The following LRRC8D variants were observed in gnomAD, a reference collection of about 807,000 sequenced individuals.
The protein encoded by LRRC8D is leucine rich repeat containing 8 VRAC subunit D.
A neutral mutation model predicts 55.8 loss-of-function variants in LRRC8D; 20 were observed. That is an observed-to-expected ratio of 0.36 (90% CI 0.25 to 0.52). The LOEUF (loss-of-function observed/expected upper bound fraction) is 0.52. Ranked by LOEUF, LRRC8D falls within the 20% of genes least tolerant of loss-of-function variation. The probability of loss-of-function intolerance (pLI) is 0.93; values close to 1 mark genes in which losing one functional copy is unlikely to be tolerated. For synonymous variants in LRRC8D, 352 were observed against 377.0 expected (o/e 0.93, Z 0.77); for missense variants, 651 against 1,030.8 (o/e 0.63, Z 5.05).
chr1:89,824,346 A>AG (rs1429749744), intron 1 of LRRC8D, among the ~76,000 whole-genome samples: 1 of 152,194 alleles, frequency 6.6e-6, no homozygotes, highest in East Asian at 1.9e-4. Context: ...ATCCTTATTG[A>AG]AAGAAAGGGG....
intron 2 of LRRC8D, among the ~76,000 whole-genome samples, chr1:89,851,573 A>C (rs1172179674): frequency 6.6e-6 from 1 of 151,536 alleles, no homozygotes; most frequent in Non-Finnish European, 1.5e-5. Flanking sequence ...GCAATGGCAC[A>C]ATCTCGGCTC....
chr1:89,866,666 T>A (rs984299556), intron 2 of LRRC8D, among the ~76,000 whole-genome samples: 6 of 152,130 alleles, frequency 3.9e-5, no homozygotes, highest in Non-Finnish European at 5.9e-5. Context: ...CCCTTCTTGG[T>A]GAGAGGAATG....
At chr1:89,834,114 G>A (rs1254297861) in intron 1 of LRRC8D, among the ~76,000 whole-genome samples, 1 of 152,168 alleles carries the variant, frequency 6.6e-6, no homozygotes, top group African/African-American at 2.4e-5. Context: ...AGGAAAGAAA[G>A]GGGAGTACAA....
chr1:89,916,443 A>G (rs1275112761), intron 2 of LRRC8D, among the ~76,000 whole-genome samples: 1 of 152,258 alleles, frequency 6.6e-6, no homozygotes, highest in Non-Finnish European at 1.5e-5. Flanking sequence ...AATCGAAAAT[A>G]AGGACTTGTT....
chr1:89,855,305 C>T (rs1054291794), intron 2 of LRRC8D, among the ~76,000 whole-genome samples: 1 of 152,128 alleles, frequency 6.6e-6, no homozygotes, highest in Non-Finnish European at 1.5e-5. Context: ...TGTACTTATT[C>T]TTCAAAGCCA....
chr1:89,925,840 A>T (rs1280613405), intron 2 of LRRC8D, among the ~76,000 whole-genome samples: 1 of 152,186 alleles, frequency 6.6e-6, no homozygotes, highest in East Asian at 1.9e-4. Context: ...TGTGGCTGAC[A>T]TTGCTGGAAA....
rs552188891 is a variant in LRRC8D, at chr1:89,882,311, C to A, written c.-3+38529C>A. 2.4e-3 allele frequency among the ~76,000 whole-genome samples: 368 copies of A among 152,356 alleles called. 1 individual carries two copies. The highest frequency in any genetic ancestry group is 8.3e-3 in the African/African-American group (346 of 41,592). On this transcript the variant is annotated intron_variant, in intron 2 of 2. Transcript: ENST00000337338. ...TCCCTGCTGTCATGGTAATTTATTTCTTGCTTCCTACCATTCATTTGTTTC... is the reference window on the plus strand; with the variant it reads ...TCCCTGCTGTCATGGTAATTTATTTATTGCTTCCTACCATTCATTTGTTTC...
At position 89,934,151 on chromosome 1, in the gene LRRC8D, G is replaced by A. The variant is rs1255823170; in HGVS notation, c.1083G>A (p.Met361Ile). 1.2e-6 allele frequency: 2 copies of A among 1,613,972 alleles called. No individual in the cohort carries two copies. Among genetic ancestry groups the A allele is most frequent in the Non-Finnish European group, 1.7e-6 (2 of 1,179,982 alleles). Residue 361 changes from methionine (M) to isoleucine (I), a missense_variant, in exon 3 of 3, where the codon ATG becomes ATA. Transcript: ENST00000337338. The surrounding 1 kb of genome is among the most constrained non-coding windows in gnomAD (Gnocchi z 5.9). ...VFECTHNMAY[M>I]LKKLLISYIS... is the part of the protein sequence containing the mutation. ...AGTGCACCCACAATATGGCTTACAT[G>A]TTGAAAAAGCTTCTCATCAGTTACA...
At chr1:89,830,757 G>A (rs776974445) in intron 1 of LRRC8D, among the ~76,000 whole-genome samples, 3 of 152,150 alleles carry the variant, frequency 2.0e-5, no homozygotes, top group Non-Finnish European at 4.4e-5. Flanking sequence ...TGATTTTAAA[G>A]GTTGGCTAAT....
chr1:89,840,438 T>C (rs1661106148), intron 1 of LRRC8D, among the ~76,000 whole-genome samples: 1 of 152,148 alleles, frequency 6.6e-6, no homozygotes, highest in African/African-American at 2.4e-5. Flanking sequence ...TTAATAAATA[T>C]TTTTGATAAG....
intron 1 of LRRC8D, among the ~76,000 whole-genome samples, chr1:89,824,235 A>ATCTCAGAAT (rs1201076326): frequency 6.6e-6 from 1 of 152,124 alleles, no homozygotes; most frequent in Non-Finnish European, 1.5e-5. Context: ...ATAGGTCTTG[A>ATCTCAGAAT]AGGGAGGTGG....
intron 2 of LRRC8D, among the ~76,000 whole-genome samples, chr1:89,869,320 T>G (rs1226999239): frequency 6.6e-6 from 1 of 152,092 alleles, no homozygotes; most frequent in Admixed American, 6.5e-5. Flanking sequence ...AAACACAGCA[T>G]GAGAACTTCG....
chr1:89,903,071 G>A lies in LRRC8D; in HGVS notation c.-2-29996G>A, dbSNP rs557992958. ...AGTGCTGTTGTTTCCCACTTATTGA[G>A]AAAGAGGGAAACAGAGATGTTAGGT... On this transcript the variant is annotated intron_variant, in intron 2 of 2. Coordinates refer to ENST00000337338, the MANE Select transcript of LRRC8D (RefSeq NM_001134479.2). Among the ~76,000 whole-genome samples the A allele has an allele frequency of 3.3e-5, 5 of 152,196 alleles. No individual in the cohort carries two copies. In the East Asian group the frequency reaches 7.7e-4, roughly 24 times the overall value.
intron 2 of LRRC8D, among the ~76,000 whole-genome samples, chr1:89,884,951 T>G (rs142392771): frequency 6.6e-6 from 1 of 152,196 alleles, no homozygotes; most frequent in African/African-American, 2.4e-5. Context: ...ATATCATGCT[T>G]GATGTTGCCT....
chr1:89,843,917 C>G, intron 2 of LRRC8D, 135 bp downstream of exon 2: 2 of 502,692 alleles, frequency 4.0e-6, no homozygotes, highest in South Asian at 4.9e-5. Context: ...GCTTCTCACC[C>G]GGGGTCTCTG....
At chr1:89,826,741 A>G (rs775439030) in intron 1 of LRRC8D, among the ~76,000 whole-genome samples, 3 of 152,160 alleles carry the variant, frequency 2.0e-5, no homozygotes, top group South Asian at 2.1e-4. Flanking sequence ...TCTTATTTAC[A>G]TAATTGATCT....
At chr1:89,867,149 C>G (rs1359135601) in intron 2 of LRRC8D, among the ~76,000 whole-genome samples, 2 of 148,730 alleles carry the variant, frequency 1.3e-5, no homozygotes, top group Admixed American at 1.3e-4. Context: ...AAACTCTGTC[C>G]CCAGTTAACA....
In LRRC8D at chr1:89,842,627, G is replaced by A. The variant is rs147912875; in HGVS notation, c.-147-1011G>A. 4.7e-5 allele frequency among the ~76,000 whole-genome samples: 7 copies of A among 149,188 alleles called. No individual in the cohort carries two copies. In the East Asian group the frequency reaches 7.7e-4, roughly 16 times the overall value. On this transcript the variant is annotated intron_variant, in intron 1 of 2. Transcript: ENST00000337338. ...TTTGTCAAGAGACAGTCCTGTAAGC[G>A]CTTTTTAACCTGGTAGACTGTGCAT...
chr1:89,846,444 G>C (rs879036285), intron 2 of LRRC8D: 1 of 152,038 alleles, frequency 6.6e-6, no homozygotes, highest in Admixed American at 6.6e-5. Context: ...TAACTTGTCA[G>C]TGGTCGTATT....
Sources: allele counts gnomAD v4.1 joint callset (sites outside exome capture counted in the v4.1 genomes callset), GRCh38; gene constraint gnomAD v4.1.1; non-coding constraint Gnocchi (gnomAD v3.1); transcripts MANE v1.5; gene names NCBI Gene and HGNC (gene_info 2026-07-23, HGNC 2026-07-21).